The following FAM149A variants were observed in gnomAD, a reference collection of about 807,000 sequenced individuals.
FAM149A encodes the protein protein FAM149A.
A neutral mutation model predicts 78.2 loss-of-function variants in FAM149A; 71 were observed. That is an observed-to-expected ratio of 0.91 (90% CI 0.75 to 1.11). The LOEUF is 1.11. FAM149A is among the 50% of genes least tolerant of loss of function. The pLI, the probability that FAM149A is intolerant of heterozygous loss-of-function variation, is 0.00. For synonymous variants in FAM149A, 446 were observed against 410.5 expected, an observed-to-expected ratio of 1.09 and a Z score of -1.04; for missense variants, 1,036 against 971.0, an observed-to-expected ratio of 1.07 and a Z score of -0.89.
Position 186,174,275 on chromosome 4 carries a change from C to T in FAM149A, c.*2288C>T, listed in dbSNP as rs575001299. Among the ~76,000 whole-genome samples, 2 of 110,508 alleles carry T rather than the reference C, an allele frequency of 1.8e-5. 1 individual carries two copies. The highest frequency in any genetic ancestry group is 5.8e-4 in the South Asian group (2 of 3,442). The allele number at this position is 110,508 out of a possible 152,430, so 72.5% of individuals were successfully genotyped here. A position where few individuals can be genotyped will look rare whatever the true frequency, so the allele number is the denominator to read the frequency against. On this transcript the variant is annotated 3_prime_UTR_variant, in exon 14 of 14. Coordinates refer to ENST00000389354, the MANE Select transcript of FAM149A (RefSeq NM_001367768.3). ...ATAGGCCCTAGTGTGTGCTGTTCCC[C>T]TCTGTGTCCATGTGTTCTCATCATT...
At chr4:186,116,184 GACTCCGCAAGGGA>G (rs1195109200) in intron 1 of FAM149A, among the ~76,000 whole-genome samples, 1 of 116,512 alleles carries the variant, frequency 8.6e-6, no homozygotes. Flanking sequence ...CCCTTTCTTT[GACTCCGCAAGGGA>G]ACTCCCTGAC....
chr4:186,137,251 CT>C (rs11321331), intron 1 of FAM149A, among the ~76,000 whole-genome samples: 62,866 of 148,222 alleles, frequency 0.42, 13,345 homozygotes, highest in East Asian at 0.55. Flanking sequence ...TGCTGACCCT[CT>C]TTTTTTTTTT....
intron 1 of FAM149A, chr4:186,145,176 C>T: frequency 1.0e-6 from 1 of 982,378 alleles, no homozygotes; most frequent in African/African-American, 1.7e-5. Context: ...GCGCGGTGTT[C>T]TCCGCCCGCG....
chr4:186,116,593 A>C, intron 1 of FAM149A: 12 of 874,602 alleles, frequency 1.4e-5, no homozygotes, highest in Non-Finnish European at 1.5e-5. Flanking sequence ...TGTTATATTT[A>C]AATTTTTTTT....
intron 1 of FAM149A, among the ~76,000 whole-genome samples, chr4:186,139,540 G>A (rs1332271653): frequency 2.0e-5 from 3 of 152,134 alleles, no homozygotes; most frequent in African/African-American, 4.8e-5. Context: ...GCATGGAGCC[G>A]GCACCAGACA....
intron 1 of FAM149A, chr4:186,110,222 A>C: frequency 3.0e-6 from 3 of 985,350 alleles, no homozygotes; most frequent in Non-Finnish European, 3.6e-6. Context: ...TAATCTTACA[A>C]CAACCCAGGG....
intron 5 of FAM149A, 110 bp from the exon 6 acceptor site, chr4:186,154,358 G>C (rs1733859977): frequency 2.4e-6 from 2 of 849,582 alleles, no homozygotes; most frequent in Non-Finnish European, 3.4e-6. Context: ...CGTTTTGGGA[G>C]GGGGGGATTC....
chr4:186,129,808 A>G (rs1461106490), intron 1 of FAM149A, among the ~76,000 whole-genome samples: 1 of 152,242 alleles, frequency 6.6e-6, no homozygotes, highest in East Asian at 1.9e-4. Context: ...TGTTAAAAAT[A>G]AATGTACACG....
intron 1 of FAM149A, among the ~76,000 whole-genome samples, chr4:186,118,977 A>G (rs1193914823): frequency 6.6e-6 from 1 of 152,224 alleles, no homozygotes; most frequent in Non-Finnish European, 1.5e-5. Context: ...GGATCATTCA[A>G]TGTGAGGAGG....
In FAM149A at chr4:186,173,735, C is replaced by T. The variant is rs895626888; in HGVS notation, c.*1748C>T. The stretch of plus-strand genomic sequence containing the variant: ...AGCAGCAGCGACCACCAGGTCCATG[C>T]CTCTTTTCCGTGGTCACAGCTCCAT... On this transcript the variant is annotated 3_prime_UTR_variant, in exon 14 of 14. Coordinates refer to ENST00000389354, the MANE Select transcript of FAM149A (RefSeq NM_001367768.3). 3.6e-5 allele frequency among the ~76,000 whole-genome samples: 4 copies of T among 112,622 alleles called. 2 individuals carry two copies. Among genetic ancestry groups the T allele is most frequent in the Non-Finnish European group, 9.0e-5 (4 of 44,638 alleles). The allele number at this position is 112,622 out of a possible 152,430, so 73.9% of individuals were successfully genotyped here.
rs1278893739 is a variant in FAM149A at position 186,105,416 on chromosome 4, T to A, written c.340T>A (p.Ser114Thr). 6.7e-6 allele frequency: 8 copies of A among 1,190,678 alleles called. No homozygotes were observed. In the East Asian group the frequency reaches 7.6e-4, roughly 113 times the overall value. The allele number at this position is 1,190,678 out of a possible 1,614,324, so 73.8% of individuals were successfully genotyped here. ...AGCCCCGCCCCAGCCCCCCACTCCC[T>A]CCGGCGGGGGCTGCTCCCCTGCTCG... The change falls in exon 1 of 14, where the codon TCC becomes ACC. Residue 114 changes from serine (S) to threonine (T), a missense_variant. Coordinates refer to ENST00000389354, the MANE Select transcript of FAM149A (RefSeq NM_001367768.3).
Position 186,158,326 on chromosome 4 carries a change from AAC to A in FAM149A, c.1575+611_1575+612del, listed in dbSNP as rs138910472. On this transcript the variant is annotated intron_variant, in intron 8 of 13. Coordinates refer to ENST00000389354, the MANE Select transcript of FAM149A (RefSeq NM_001367768.3). ...TAGCCCACCTCCCATTGCTCTGTGG[AAC>A]ACAGATTCTCCTCTGTGCTGTGTGG... 4,912 of 1,211,198 alleles carry A rather than the reference AAC, an allele frequency of 4.1e-3. 188 individuals carry two copies. In the African/African-American group the frequency reaches 0.072, roughly 18 times the overall value. The allele number at this position is 1,211,198 out of a possible 1,614,324, so 75.0% of individuals were successfully genotyped here.
At chr4:186,161,719 A>T (rs61525425) in intron 8 of FAM149A, among the ~76,000 whole-genome samples, 2,393 of 152,286 alleles carry the variant, frequency 0.016, 50 homozygotes, top group African/African-American at 0.045. Context: ...AAATAAGTGG[A>T]CAGCAAAGTT....
At chr4:186,166,313 C>T (rs765085106) in intron 11 of FAM149A, among the ~76,000 whole-genome samples, 55 of 152,186 alleles carry the variant, frequency 3.6e-4, no homozygotes, top group Non-Finnish European at 5.1e-4. Flanking sequence ...TCCCAGAAGG[C>T]AAGAGTTGCA....
Position 186,104,865 on chromosome 4 carries a change from G to A in FAM149A, c.-212G>A. 3 of 736,100 alleles carry A rather than the reference G, an allele frequency of 4.1e-6. No homozygotes were observed. Among genetic ancestry groups the A allele is most frequent in the Non-Finnish European group, 5.0e-6 (3 of 602,320 alleles). 45.6% of individuals were successfully genotyped at this position (736,100 alleles called of 1,614,324 possible). ...GGACGAGGCGGGGCTGCTCTCCGCA[G>A]CCGGGGCGCTCGGCGGACGGACCCG... On this transcript the variant is annotated 5_prime_UTR_variant, in exon 1 of 14. Coordinates refer to ENST00000389354, the MANE Select transcript of FAM149A (RefSeq NM_001367768.3).
At chr4:186,140,662 C>T (rs1055833462) in intron 1 of FAM149A, among the ~76,000 whole-genome samples, 13 of 152,106 alleles carry the variant, frequency 8.5e-5, no homozygotes, top group Non-Finnish European at 5.9e-5. Context: ...TTTAATGACT[C>T]TAATTACTGA....
chr4:186,113,333 T>C (rs2099312125), intron 1 of FAM149A, among the ~76,000 whole-genome samples: 1 of 122,566 alleles, frequency 8.2e-6, no homozygotes, highest in Non-Finnish European at 1.7e-5. Flanking sequence ...GTTGATCCTT[T>C]CAAAAAACCA....
intron 1 of FAM149A, chr4:186,145,050 C>CGAGCCTAGCGCG (rs1732914642): frequency 1.0e-6 from 1 of 983,392 alleles, no homozygotes; most frequent in Non-Finnish European, 1.2e-6. Flanking sequence ...TGACGGTGCC[C>CGAGCCTAGCGCG]GAGCCTAGCG....
intron 1 of FAM149A, among the ~76,000 whole-genome samples, chr4:186,134,428 T>G (rs2099321950): frequency 6.6e-6 from 1 of 152,170 alleles, no homozygotes; most frequent in Admixed American, 6.5e-5. Context: ...AGCCTTTTGC[T>G]TTTTTAGGTG....
Sources: allele counts gnomAD v4.1 joint callset (sites outside exome capture counted in the v4.1 genomes callset), GRCh38; gene constraint gnomAD v4.1.1; transcripts MANE v1.5; gene names NCBI Gene and HGNC (gene_info 2026-07-23, HGNC 2026-07-21).